Variants in RANBP17 observed in about 807,000 individuals in gnomAD.
RANBP17 encodes ran-binding protein 17.
In RANBP17, 158 loss-of-function variants were observed where a neutral mutation model predicts 141.2. The observed-to-expected ratio is 1.12, with a 90% CI of 0.98 to 1.28. The LOEUF (loss-of-function observed/expected upper bound fraction) is 1.28, where lower values mean the gene tolerates loss of function less well. RANBP17 is among the 50% of genes most tolerant of loss of function. The pLI, the probability that RANBP17 is intolerant of heterozygous loss-of-function variation, is 0.00. For synonymous variants in RANBP17, 430 were observed against 450.0 expected (o/e 0.96, Z 0.56); for missense variants, 1,438 against 1,290.7 (o/e 1.11, Z -1.75).
chr5:171,113,754 G>A (rs1755412983), intron 14 of RANBP17, among the ~76,000 whole-genome samples: 2 of 152,058 alleles, frequency 1.3e-5, no homozygotes, highest in South Asian at 4.1e-4. Flanking sequence ...TGAGTTTCAG[G>A]GACTTATTAG....
intron 25 of RANBP17, among the ~76,000 whole-genome samples, chr5:171,278,978 T>C (rs940218904): frequency 1.3e-5 from 2 of 152,240 alleles, no homozygotes; most frequent in African/African-American, 4.8e-5. Flanking sequence ...CTGCTATTTA[T>C]ACTATAAATG....
At chr5:170,871,716 C>T (rs1303768717) in intron 1 of RANBP17, among the ~76,000 whole-genome samples, 2 of 152,162 alleles carry the variant, frequency 1.3e-5, no homozygotes, top group African/African-American at 4.8e-5. Context: ...GAAAGGGGCC[C>T]AGTTACAGTT....
chr5:170,921,383 C>G (rs1470403949), intron 11 of RANBP17, among the ~76,000 whole-genome samples: 1 of 152,150 alleles, frequency 6.6e-6, no homozygotes, highest in Non-Finnish European at 1.5e-5. Context: ...TCAGGTTTGA[C>G]AAAGATCAGA....
chr5:171,017,979 C>T (rs555528463), intron 14 of RANBP17, among the ~76,000 whole-genome samples: 2 of 152,186 alleles, frequency 1.3e-5, no homozygotes, highest in South Asian at 4.2e-4. Context: ...TATGGCTAGC[C>T]AGTTTTCCCA....
intron 14 of RANBP17, among the ~76,000 whole-genome samples, chr5:171,057,511 C>T (rs932779790): frequency 6.6e-6 from 1 of 152,066 alleles, no homozygotes; most frequent in Non-Finnish European, 1.5e-5. Flanking sequence ...CTTCATAGTA[C>T]TCCATTTTGT....
chr5:171,014,203 C>A (rs1780274416), intron 14 of RANBP17, among the ~76,000 whole-genome samples: 1 of 151,598 alleles, frequency 6.6e-6, no homozygotes, highest in Non-Finnish European at 1.5e-5. Context: ...TTATCTTTAA[C>A]CTATCTATGT....
intron 14 of RANBP17, among the ~76,000 whole-genome samples, chr5:171,008,630 G>A (rs559116170): frequency 1.3e-5 from 2 of 152,306 alleles, no homozygotes; most frequent in Non-Finnish European, 2.9e-5. Context: ...ATTCTCAAGG[G>A]TGGGGAGAAT....
chr5:171,163,528 C>G (rs1222052670), intron 14 of RANBP17, among the ~76,000 whole-genome samples: 1 of 152,128 alleles, frequency 6.6e-6, no homozygotes, highest in Non-Finnish European at 1.5e-5. Flanking sequence ...ACCTCAAAGG[C>G]ACTTGAAGCC....
At chr5:170,967,288 CTATT>C (rs1776644093) in intron 13 of RANBP17, among the ~76,000 whole-genome samples, 1 of 152,030 alleles carries the variant, frequency 6.6e-6, no homozygotes, top group South Asian at 2.1e-4. Flanking sequence ...GACATATAAA[CTATT>C]AATAATGTGT....
intron 14 of RANBP17, among the ~76,000 whole-genome samples, chr5:171,159,283 A>T (rs923708139): frequency 6.6e-6 from 1 of 152,186 alleles, no homozygotes; most frequent in Non-Finnish European, 1.5e-5. Context: ...GTGTTGACTG[A>T]TAATGCCAAT....
At chr5:171,260,265 C>T (rs1364967097) in intron 24 of RANBP17, among the ~76,000 whole-genome samples, 7 of 147,070 alleles carry the variant, frequency 4.8e-5, no homozygotes, top group African/African-American at 1.3e-4. Flanking sequence ...CACGCCACTG[C>T]GCTCCAGCCT....
chr5:170,947,308 TATA>T (rs1322991139), intron 12 of RANBP17, among the ~76,000 whole-genome samples: 1 of 152,188 alleles, frequency 6.6e-6, no homozygotes, highest in African/African-American at 2.4e-5. Flanking sequence ...GTTGATAATG[TATA>T]ATATACCCAG....
intron 5 of RANBP17, 36 bp downstream of exon 5, chr5:170,896,151 T>TA (rs752069428): frequency 4.2e-6 from 6 of 1,423,360 alleles, no homozygotes; most frequent in Admixed American, 1.9e-5. Context: ...GAGCCTGAGT[T>TA]TGCTTAAGTA....
chr5:170,944,420 C>G (rs1004704559), intron 12 of RANBP17, among the ~76,000 whole-genome samples: 2 of 152,208 alleles, frequency 1.3e-5, no homozygotes, highest in African/African-American at 4.8e-5. Flanking sequence ...GCGCATGCCA[C>G]CATGCCCAGC....
chr5:170,879,033 CTG>C (rs1460601171), intron 2 of RANBP17, among the ~76,000 whole-genome samples: 2 of 152,082 alleles, frequency 1.3e-5, no homozygotes, highest in African/African-American at 4.8e-5. Flanking sequence ...GAGAATAGAA[CTG>C]TTTTTGGGCG....
chr5:170,868,559 G>A (rs13163910), intron 1 of RANBP17, among the ~76,000 whole-genome samples: 95,915 of 151,982 alleles, frequency 0.63, 31,211 homozygotes, highest in South Asian at 0.9. Context: ...GGTGTGAGCC[G>A]CCATGCCTGG....
At chr5:171,072,791 A>G (rs1167766235) in intron 14 of RANBP17, among the ~76,000 whole-genome samples, 1 of 152,160 alleles carries the variant, frequency 6.6e-6, no homozygotes, top group Non-Finnish European at 1.5e-5. Flanking sequence ...CCTATATGCA[A>G]ATGTTTATAG....
intron 14 of RANBP17, among the ~76,000 whole-genome samples, chr5:170,984,853 GTAT>G (rs1422964328): frequency 1.3e-5 from 2 of 151,890 alleles, no homozygotes; most frequent in African/African-American, 4.8e-5. Context: ...ACAATTTTAA[GTAT>G]TATTTTTTAT....
At chr5:171,281,123 TAG>T (rs1332354650) in intron 25 of RANBP17, among the ~76,000 whole-genome samples, 1 of 152,174 alleles carries the variant, frequency 6.6e-6, no homozygotes, top group East Asian at 1.9e-4. Flanking sequence ...CTCACTGTCT[TAG>T]ATTCTCTCCC....
Sources: gnomAD v4.1 joint callset for allele counts (sites outside exome capture counted in the v4.1 genomes callset) on GRCh38, gnomAD v4.1.1 for gene constraint, MANE v1.5 for transcripts, NCBI Gene and HGNC (gene_info 2026-07-23, HGNC 2026-07-21) for gene names.